THSD4: variants seen among roughly 807,000 people sequenced by gnomAD.
THSD4 encodes the protein thrombospondin type 1 domain containing 4, also known as thrombospondin type-1 domain-containing protein 4.
A neutral mutation model predicts 119.0 loss-of-function variants in THSD4; 69 were observed. The observed-to-expected ratio is 0.58, with a 90% CI of 0.48 to 0.71. The LOEUF (loss-of-function observed/expected upper bound fraction) is 0.71, where lower values mean the gene tolerates loss of function less well. Among genes scored for constraint, THSD4 ranks in the 30% least tolerant of loss-of-function variants. THSD4 has a pLI of 0.00. For missense variants in THSD4, 1,393 were observed against 1,391.1 expected (o/e 1.00, Z -0.02); for synonymous variants, 524 against 540.4 (o/e 0.97, Z 0.42).
chr15:71,249,700 G>C (rs1340936248), intron 5 of THSD4, among the ~76,000 whole-genome samples: 1 of 152,104 alleles, frequency 6.6e-6, no homozygotes, highest in African/African-American at 2.4e-5. Flanking sequence ...AGAAATATCA[G>C]AACAGCAAAG....
At chr15:71,244,538 AATC>A in intron 5 of THSD4, among the ~76,000 whole-genome samples, 1 of 152,336 alleles carries the variant, frequency 6.6e-6, no homozygotes, top group East Asian at 1.9e-4. Context: ...AGACTTCAGG[AATC>A]ATTAATTTTA....
chr15:71,571,476 A>G (rs2049356244), intron 7 of THSD4, among the ~76,000 whole-genome samples: 2 of 152,166 alleles, frequency 1.3e-5, no homozygotes, highest in African/African-American at 2.4e-5. Context: ...TTTAATGGAA[A>G]AAAGAGATCC....
At chr15:71,698,388 T>C (rs2052210447) in intron 8 of THSD4, among the ~76,000 whole-genome samples, 1 of 151,922 alleles carries the variant, frequency 6.6e-6, no homozygotes, top group African/African-American at 2.4e-5. Context: ...AGTGGGAATA[T>C]AAATGAGTGC....
chr15:71,391,236 A>G (rs2046374078), intron 6 of THSD4, among the ~76,000 whole-genome samples: 1 of 152,058 alleles, frequency 6.6e-6, no homozygotes, highest in African/African-American at 2.4e-5. Flanking sequence ...TCACCGTGTT[A>G]GCCAGGATGG....
intron 8 of THSD4, among the ~76,000 whole-genome samples, chr15:71,680,624 A>T (rs1160503073): frequency 2.0e-5 from 3 of 152,232 alleles, no homozygotes; most frequent in African/African-American, 7.2e-5. Context: ...AATTTGAATT[A>T]TCAGTTTCAC....
At chr15:71,401,942 G>A (rs112880681) in intron 6 of THSD4, among the ~76,000 whole-genome samples, 2 of 152,288 alleles carry the variant, frequency 1.3e-5, no homozygotes, top group African/African-American at 4.8e-5. Context: ...ATGAGTTCAT[G>A]TCCTTTGCAG....
intron 7 of THSD4, among the ~76,000 whole-genome samples, chr15:71,457,003 T>C (rs987613169): frequency 6.6e-6 from 1 of 152,126 alleles, no homozygotes; most frequent in Admixed American, 6.5e-5. Flanking sequence ...TTTGTCTCAT[T>C]GAGAGAACTT....
At chr15:71,385,259 C>T (rs1596388048) in intron 6 of THSD4, among the ~76,000 whole-genome samples, 1 of 152,204 alleles carries the variant, frequency 6.6e-6, no homozygotes, top group African/African-American at 2.4e-5. Flanking sequence ...TAACCCATGA[C>T]CTCCAGTTAC....
At chr15:71,566,177 T>G (rs2049235310) in intron 7 of THSD4, among the ~76,000 whole-genome samples, 1 of 149,402 alleles carries the variant, frequency 6.7e-6, no homozygotes, top group Admixed American at 6.7e-5. Context: ...TTTGCTGAAA[T>G]TCGGTAGTGA....
At chr15:71,319,662 G>A (rs939402244) in intron 6 of THSD4, among the ~76,000 whole-genome samples, 3 of 151,928 alleles carry the variant, frequency 2.0e-5, no homozygotes, top group East Asian at 1.9e-4. Context: ...TGGACATTTG[G>A]GTTAGTTCCA....
chr15:71,241,534 A>G (rs1238626026), intron 4 of THSD4, among the ~76,000 whole-genome samples: 1 of 152,170 alleles, frequency 6.6e-6, no homozygotes, highest in Non-Finnish European at 1.5e-5. Flanking sequence ...GTATTTCTTC[A>G]TCATTGCTAA....
chr15:71,620,474 G>A (rs1021836132), intron 7 of THSD4, among the ~76,000 whole-genome samples: 1 of 151,958 alleles, frequency 6.6e-6, no homozygotes, highest in East Asian at 1.9e-4. Context: ...GCATGGTGGT[G>A]CATGCCCGGA....
intron 15 of THSD4, among the ~76,000 whole-genome samples, 200 bp downstream of exon 15, chr15:71,758,275 C>CA (rs1490701978): frequency 3.3e-5 from 5 of 152,224 alleles, no homozygotes; most frequent in Non-Finnish European, 7.3e-5. Context: ...CTACGGTGTG[C>CA]TCATCTAAGT....
intron 7 of THSD4, among the ~76,000 whole-genome samples, chr15:71,633,102 G>A (rs542911734): frequency 6.6e-6 from 1 of 152,224 alleles, no homozygotes; most frequent in South Asian, 2.1e-4. Context: ...GGCAAAGTTG[G>A]TCTCTTCAGG....
At chr15:71,317,187 A>G (rs897898948) in intron 6 of THSD4, among the ~76,000 whole-genome samples, 1 of 152,198 alleles carries the variant, frequency 6.6e-6, no homozygotes, top group African/African-American at 2.4e-5. Context: ...TGTGATGGAG[A>G]GCATTAGAAG....
chr15:71,433,470 GGTTT>G (rs954944962), intron 7 of THSD4, among the ~76,000 whole-genome samples: 6 of 106,938 alleles, frequency 5.6e-5, no homozygotes, highest in South Asian at 6.0e-4. Context: ...TTTTTTTTTT[GGTTT>G]GTTTGTTTGT....
intron 6 of THSD4, among the ~76,000 whole-genome samples, chr15:71,378,788 TTTG>T (rs1301835692): frequency 6.6e-6 from 1 of 152,188 alleles, no homozygotes; most frequent in Non-Finnish European, 1.5e-5. Flanking sequence ...ATTATTGTTT[TTTG>T]TTATTTTTTT....
intron 7 of THSD4, among the ~76,000 whole-genome samples, chr15:71,542,538 G>A (rs866925191): frequency 7.9e-5 from 12 of 151,910 alleles, no homozygotes; most frequent in South Asian, 4.2e-4. Flanking sequence ...AGTATTCTTC[G>A]TAAAAACTCA....
chr15:71,417,301 T>A (rs1426302505), intron 7 of THSD4, among the ~76,000 whole-genome samples: 1 of 108,148 alleles, frequency 9.2e-6, no homozygotes, highest in Non-Finnish European at 2.0e-5. Flanking sequence ...ACTCAAGAAA[T>A]CTCTGCCCAG....
Sources: allele counts gnomAD v4.1 joint callset (sites outside exome capture counted in the v4.1 genomes callset), GRCh38; gene constraint gnomAD v4.1.1; transcripts MANE v1.5; gene names NCBI Gene and HGNC (gene_info 2026-07-23, HGNC 2026-07-21).